Variants in TRIB2 observed in about 807,000 individuals in gnomAD.
TRIB2 encodes the protein tribbles homolog 2.
TRIB2 carries 2 observed loss-of-function variants against 26.8 expected under a neutral mutation model. That is an observed-to-expected ratio of 0.07 (90% CI 0.03 to 0.24). The LOEUF (loss-of-function observed/expected upper bound fraction) is 0.24, where lower values mean the gene tolerates loss of function less well. Among genes scored for constraint, TRIB2 ranks in the 10% least tolerant of loss-of-function variants. The pLI, the probability that TRIB2 is intolerant of heterozygous loss-of-function variation, is 1.00. For synonymous variants in TRIB2, 189 were observed against 187.3 expected (o/e 1.01, Z -0.08); for missense variants, 306 against 449.0 (o/e 0.68, Z 2.88).
At chr2:12,724,892 C>A in intron 2 of TRIB2, 1 of 1,525,832 alleles carries the variant, frequency 6.6e-7, no homozygotes, top group South Asian at 1.3e-5. Context: ...TCTCTCTACC[C>A]TTGTATGTTC....
intron 1 of TRIB2, among the ~76,000 whole-genome samples, chr2:12,719,629 T>C (rs769293016): frequency 7.9e-5 from 12 of 151,132 alleles, no homozygotes; most frequent in African/African-American, 2.9e-4. Context: ...CATTCTGCCT[T>C]TGAAATGGTC....
intron 2 of TRIB2, among the ~76,000 whole-genome samples, chr2:12,729,950 C>A (rs1389493276): frequency 2.0e-5 from 3 of 152,160 alleles, no homozygotes; most frequent in Non-Finnish European, 4.4e-5. Context: ...GAATACATAG[C>A]CGTCATTATT....
Position 12,717,492 on chromosome 2 carries a change from C to T in TRIB2, c.-816C>T. On this transcript the variant is annotated 5_prime_UTR_variant, in exon 1 of 3. Coordinates refer to ENST00000155926, the MANE Select transcript of TRIB2 (RefSeq NM_021643.4). This position sits in a 1 kb window ranked among gnomAD's most constrained non-coding sequence, Gnocchi z 4.8. ...CTGACCTCCGCGCGGCGGGCCGAGC[C>T]CAGGGCTTTGTCGCGGTACCTGCGC... 1 of 398,410 alleles carries T rather than the reference C, an allele frequency of 2.5e-6. No homozygotes were observed. The allele number at this position is 398,410 out of a possible 1,614,324, so 24.7% of individuals were successfully genotyped here. A position where few individuals can be genotyped will look rare whatever the true frequency, so the allele number is the denominator to read the frequency against.
At chr2:12,735,840 G>T (rs1034383436) in intron 2 of TRIB2, among the ~76,000 whole-genome samples, 1 of 152,158 alleles carries the variant, frequency 6.6e-6, no homozygotes, top group Admixed American at 6.5e-5. Context: ...TAAAATTTCA[G>T]CCTCTGAAGG....
rs768612987 is a variant in TRIB2, at chr2:12,718,272, GT to G, written c.-27del. On this transcript the variant is annotated 5_prime_UTR_variant, in exon 1 of 3. Coordinates refer to ENST00000155926, the MANE Select transcript of TRIB2 (RefSeq NM_021643.4). This position sits in a 1 kb window ranked among gnomAD's most constrained non-coding sequence, Gnocchi z 4.0. The stretch of plus-strand genomic sequence containing the variant: ...CGCCAGCGACTCATCTCTCCAGCGG[GT>G]TTTTTTTTGTTTGTCGTGTGCGATC... 135 of 1,577,542 alleles carry G rather than the reference GT, an allele frequency of 8.6e-5. No individual in the cohort carries two copies. Among genetic ancestry groups the G allele is most frequent in the Admixed American group, 3.2e-4 (18 of 56,350 alleles).
At position 12,717,790 on chromosome 2, in the gene TRIB2, G is replaced by A. The variant is rs1040334326; in HGVS notation, c.-518G>A. 75 of 314,594 alleles carry A rather than the reference G, an allele frequency of 2.4e-4. 1 individual carries two copies. Among genetic ancestry groups the A allele is most frequent in the Non-Finnish European group, 6.3e-5 (11 of 173,780 alleles). 19.5% of individuals were successfully genotyped at this position (314,594 alleles called of 1,614,324 possible). ...TTCTGGCTGCCGTGCGTCGCCAGCC[G>A]GTAGACCCGTGCTTGTTTCCTTTCT... is the stretch of plus-strand genomic sequence containing the variant. On this transcript the variant is annotated 5_prime_UTR_variant, in exon 1 of 3. Coordinates refer to ENST00000155926, the MANE Select transcript of TRIB2 (RefSeq NM_021643.4). This position sits in a 1 kb window ranked among gnomAD's most constrained non-coding sequence, Gnocchi z 4.8.
At position 12,718,406 on chromosome 2, in the gene TRIB2, G is replaced by T. The variant is rs752492245; in HGVS notation, c.99G>T (p.Ala33=). ...AAGAGTTGTCGTCTATAAGGTCCGC[G>T]GAGCCCAGCCAGAGTTTCAGCCCGA... ...DFEELSSIRS[A]EPSQSFSPNL... The change falls in exon 1 of 3, where the codon GCG becomes GCT. Residue 33 remains alanine (A), a synonymous_variant. Coordinates refer to ENST00000155926, the MANE Select transcript of TRIB2 (RefSeq NM_021643.4). This position sits in a 1 kb window ranked among gnomAD's most constrained non-coding sequence, Gnocchi z 4.0. 1.9e-6 allele frequency: 3 copies of T among 1,614,228 alleles called. No homozygotes were observed. The South Asian group carries it at 3.3e-5, about 18-fold the overall frequency.
At chr2:12,723,179 C>G in intron 1 of TRIB2, 81 bp from the exon 2 acceptor site, 2 of 1,471,470 alleles carry the variant, frequency 1.4e-6, no homozygotes, top group Non-Finnish European at 1.8e-6. Flanking sequence ...AAAGCCCATA[C>G]CTGTGGGAGG....
rs902049158 is a variant in TRIB2, at chr2:12,718,865, C to G, written c.270+288C>G. The stretch of plus-strand genomic sequence containing the variant: ...GCGTGCACCGAAGGCTCCAGGAGCT[C>G]TCTGCGCGAGGCCGGGTCCCGCTGC... On this transcript the variant is annotated intron_variant, in intron 1 of 2. Coordinates refer to ENST00000155926, the MANE Select transcript of TRIB2 (RefSeq NM_021643.4). The surrounding 1 kb of genome is among the most constrained non-coding windows in gnomAD (Gnocchi z 4.0). 3.9e-5 allele frequency among the ~76,000 whole-genome samples: 6 copies of G among 152,118 alleles called. No individual in the cohort carries two copies. The highest frequency in any genetic ancestry group is 1.4e-4 in the African/African-American group (6 of 41,422).
intron 1 of TRIB2, among the ~76,000 whole-genome samples, chr2:12,721,919 G>A (rs569549354): frequency 1.2e-4 from 18 of 152,260 alleles, no homozygotes; most frequent in Admixed American, 8.5e-4. Flanking sequence ...AAATGAATCC[G>A]GTATCGTGCA....
chr2:12,733,768 C>T (rs1661509624), intron 2 of TRIB2, among the ~76,000 whole-genome samples: 1 of 152,044 alleles, frequency 6.6e-6, no homozygotes, highest in Non-Finnish European at 1.5e-5. Flanking sequence ...GGCCCTGTAG[C>T]TATTTGTTCT....
At position 12,717,200 on chromosome 2, in the gene TRIB2, G is replaced by A; in HGVS notation, c.-1108G>A. The A allele has an allele frequency of 2.5e-6, 1 of 396,022 alleles. No individual in the cohort carries two copies. Among genetic ancestry groups the A allele is most frequent in the Non-Finnish European group, 4.4e-6 (1 of 224,940 alleles). 24.5% of individuals were successfully genotyped at this position (396,022 alleles called of 1,614,324 possible). A position where few individuals can be genotyped will look rare whatever the true frequency, so the allele number is the denominator to read the frequency against. On this transcript the variant is annotated 5_prime_UTR_variant, in exon 1 of 3. Transcript: ENST00000155926. This position sits in a 1 kb window ranked among gnomAD's most constrained non-coding sequence, Gnocchi z 4.8. ...ATTTTCTCCAAAACAAACCCCACCG[G>A]GCAATTTGGTCTCGGGGTAGGGGGA... is the stretch of plus-strand genomic sequence containing the variant.
intron 2 of TRIB2, among the ~76,000 whole-genome samples, chr2:12,731,694 G>A (rs1441271698): frequency 6.6e-6 from 1 of 152,164 alleles, no homozygotes; most frequent in African/African-American, 2.4e-5. Context: ...GTGCCTACGC[G>A]CACATCTCCA....
intron 2 of TRIB2, among the ~76,000 whole-genome samples, chr2:12,734,680 G>A (rs544913680): frequency 6.6e-6 from 1 of 152,266 alleles, no homozygotes; most frequent in African/African-American, 2.4e-5. Context: ...TGAGAAGGTG[G>A]GTGTTACTTG....
At position 12,740,669 on chromosome 2, in the gene TRIB2, C is replaced by T. The variant is rs1417599366; in HGVS notation, c.907C>T (p.Leu303=). 6.2e-7 allele frequency: 1 copy of T among 1,614,076 alleles called. No individual in the cohort carries two copies. The highest frequency in any genetic ancestry group is 1.7e-5 in the Admixed American group (1 of 60,002). The part of the protein sequence containing the change: ...PSERLTSQEI[L]DHPWFSTDFS... ...AGAGCGGCTGACCTCGCAGGAAATT[C>T]TGGACCATCCTTGGTTTTCTACAGA... is the stretch of plus-strand genomic sequence containing the variant. Residue 303 remains leucine (L), a synonymous_variant, in exon 3 of 3, where the codon CTG becomes TTG. Transcript: ENST00000155926. The surrounding 1 kb of genome is among the most constrained non-coding windows in gnomAD (Gnocchi z 5.8).
At chr2:12,727,577 T>A (rs578199052) in intron 2 of TRIB2, among the ~76,000 whole-genome samples, 1 of 152,184 alleles carries the variant, frequency 6.6e-6, no homozygotes, top group African/African-American at 2.4e-5. Context: ...CAGGCACATG[T>A]AGGGAGTGGA....
At position 12,740,410 on chromosome 2, in the gene TRIB2, G is replaced by A. The variant is rs56105169; in HGVS notation, c.648G>A (p.Pro216=). Residue 216 remains proline, a synonymous_variant, in exon 3 of 3, where the codon CCG becomes CCA. Coordinates refer to ENST00000155926, the MANE Select transcript of TRIB2 (RefSeq NM_021643.4). This position sits in a 1 kb window ranked among gnomAD's most constrained non-coding sequence, Gnocchi z 5.8. Reference sequence around the variant, plus strand: ...CCCTCTCCGACAAGCATGGCTGCCCGGCTTACGTAAGCCCAGAGATCTTGA... The same window carrying A: ...CCCTCTCCGACAAGCATGGCTGCCCAGCTTACGTAAGCCCAGAGATCTTGA... ...DDSLSDKHGC[P]AYVSPEILNT... 1.1e-3 allele frequency: 1,697 copies of A among 1,613,998 alleles called. 2 individuals are homozygous for A. Among genetic ancestry groups the A allele is most frequent in the Non-Finnish European group, 1.4e-3 (1,617 of 1,180,012 alleles).
intron 2 of TRIB2, among the ~76,000 whole-genome samples, chr2:12,736,376 G>A (rs940264418): frequency 1.3e-5 from 2 of 152,120 alleles, no homozygotes; most frequent in Non-Finnish European, 2.9e-5. Context: ...GAGGTGGTGA[G>A]CTCTGCACCC....
chr2:12,721,286 G>A (rs1661210311), intron 1 of TRIB2, among the ~76,000 whole-genome samples: 1 of 152,164 alleles, frequency 6.6e-6, no homozygotes, highest in Non-Finnish European at 1.5e-5. Context: ...TTCAGCAGTG[G>A]AGCAGGATAA....
Sources: allele counts gnomAD v4.1 joint callset (sites outside exome capture counted in the v4.1 genomes callset), GRCh38; gene constraint gnomAD v4.1.1; non-coding constraint Gnocchi (gnomAD v3.1); transcripts MANE v1.5; gene names NCBI Gene and HGNC (gene_info 2026-07-23, HGNC 2026-07-21).